Variants in RXRA observed in about 807,000 individuals in gnomAD.
RXRA encodes retinoic acid receptor RXR-alpha.
RXRA carries 5 observed loss-of-function variants against 44.5 expected under a neutral mutation model. That is an observed-to-expected ratio of 0.11 (90% confidence interval 0.06 to 0.24). The LOEUF (loss-of-function observed/expected upper bound fraction) is 0.24, where lower values mean the gene tolerates loss of function less well. Ranked by LOEUF, RXRA falls within the 10% of genes least tolerant of loss-of-function variation. The probability of loss-of-function intolerance (pLI) is 1.00; values close to 1 mark genes in which losing one functional copy is unlikely to be tolerated. For missense variants in RXRA, 412 were observed against 646.5 expected, an observed-to-expected ratio of 0.64 and a Z score of 3.93; for synonymous variants, 291 against 271.4, an observed-to-expected ratio of 1.07 and a Z score of -0.71.
chr9:134,393,404 C>T (rs1439643314), intron 1 of RXRA, among the ~76,000 whole-genome samples: 1 of 152,222 alleles, frequency 6.6e-6, no homozygotes, highest in African/African-American at 2.4e-5. Flanking sequence ...TGCTCTGGGG[C>T]TGTTTCCTCT....
At chr9:134,415,530 G>A (rs62573129) in intron 4 of RXRA, among the ~76,000 whole-genome samples, 1,765 of 152,182 alleles carry the variant, frequency 0.012, 31 homozygotes, top group African/African-American at 0.039. Context: ...AGTACCCCAG[G>A]TGTTCTGCCC....
intron 6 of RXRA, chr9:134,423,543 C>T: frequency 1.0e-6 from 1 of 985,328 alleles, no homozygotes; most frequent in Non-Finnish European, 1.2e-6. Context: ...CGCCACCCTC[C>T]TGGAAGGACT....
intron 1 of RXRA, among the ~76,000 whole-genome samples, chr9:134,387,085 G>A (rs1830731241): frequency 6.6e-6 from 1 of 152,220 alleles, no homozygotes; most frequent in South Asian, 2.1e-4. Flanking sequence ...CTGCGGTGTC[G>A]GGTGGGTGAG....
chr9:134,371,636 G>T (rs1281926143), intron 1 of RXRA, among the ~76,000 whole-genome samples: 3 of 152,248 alleles, frequency 2.0e-5, no homozygotes, highest in Non-Finnish European at 2.9e-5. Flanking sequence ...CCAGCTCTTG[G>T]GCCGGTGCCT....
chr9:134,427,538 G>C (rs1215636208), intron 6 of RXRA, among the ~76,000 whole-genome samples: 1 of 152,236 alleles, frequency 6.6e-6, no homozygotes, highest in African/African-American at 2.4e-5. Context: ...CCTGGGGCCA[G>C]TTGGGTGCCA....
chr9:134,335,178 C>G (rs1829980528), intron 1 of RXRA, among the ~76,000 whole-genome samples: 1 of 152,186 alleles, frequency 6.6e-6, no homozygotes, highest in Admixed American at 6.5e-5. Context: ...CACTGATTTT[C>G]TCATGTCTAA....
At position 134,349,236 on chromosome 9, in the gene RXRA, C is replaced by T. The variant is rs1173948847; in HGVS notation, c.28+22577C>T. Among the ~76,000 whole-genome samples, 4 of 152,282 alleles carry T rather than the reference C, an allele frequency of 2.6e-5. No individual in the cohort carries two copies. Among genetic ancestry groups the T allele is most frequent in the East Asian group, 1.9e-4 (1 of 5,176 alleles). ...CCAACTCCCTGCACCAGCCTGGCCCCGAGCTCCCACTTCCTCATGCTGGGC... is the reference window on the plus strand; with the variant it reads ...CCAACTCCCTGCACCAGCCTGGCCCTGAGCTCCCACTTCCTCATGCTGGGC... On this transcript the variant is annotated intron_variant, in intron 1 of 9. Coordinates refer to ENST00000481739, the MANE Select transcript of RXRA (RefSeq NM_002957.6). This position sits in a 1 kb window ranked among gnomAD's most constrained non-coding sequence, Gnocchi z 4.3.
chr9:134,434,191 C>T lies in RXRA; in HGVS notation c.1225C>T (p.Pro409Ser). The part of the protein sequence containing the change: ...SLEAYCKHKY[P>S]EQPGRFAKLL... ...GGAGGCCTACTGCAAGCACAAGTACCCAGAGCAGCCGGGAAGGTGGGTCCC... is the reference window on the plus strand; with the variant it reads ...GGAGGCCTACTGCAAGCACAAGTACTCAGAGCAGCCGGGAAGGTGGGTCCC... Residue 409 changes from proline to serine, a missense_variant, in exon 9 of 10, where the codon CCA (proline) becomes TCA (serine). Pro to Ser is a moderately conservative substitution (Grantham distance 74). Coordinates refer to ENST00000481739, the MANE Select transcript of RXRA (RefSeq NM_002957.6). 8 of 1,613,416 alleles carry T rather than the reference C, an allele frequency of 5.0e-6. No individual in the cohort carries two copies. Among genetic ancestry groups the T allele is most frequent in the Non-Finnish European group, 6.8e-6 (8 of 1,179,582 alleles).
At position 134,407,545 on chromosome 9, in the gene RXRA, G is replaced by A. The variant is rs1025802266; in HGVS notation, c.280-604G>A. ...CAGCGTGCGGGCCGGCGGGTGGGGCGGAGGGGTGTGCAGAGAGGCCAGTGG... is the reference window on the plus strand; with the variant it reads ...CAGCGTGCGGGCCGGCGGGTGGGGCAGAGGGGTGTGCAGAGAGGCCAGTGG... On this transcript the variant is annotated intron_variant, in intron 2 of 9. Transcript: ENST00000481739. The surrounding 1 kb of genome is among the most constrained non-coding windows in gnomAD (Gnocchi z 4.8). Among the ~76,000 whole-genome samples, 6 of 152,196 alleles carry A rather than the reference G, an allele frequency of 3.9e-5. No homozygotes were observed. Among genetic ancestry groups the A allele is most frequent in the Non-Finnish European group, 8.8e-5 (6 of 68,014 alleles).
chr9:134,402,025 C>T (rs941759541), intron 2 of RXRA, 143 bp downstream of exon 2: 25 of 721,772 alleles, frequency 3.5e-5, no homozygotes, highest in South Asian at 7.9e-5. Context: ...TACAGAGCCT[C>T]GGGGAGCAGA....
At chr9:134,372,102 A>T (rs1377189848) in intron 1 of RXRA, 2 of 152,106 alleles carry the variant, frequency 1.3e-5, no homozygotes, top group African/African-American at 4.8e-5. Flanking sequence ...GGCCCACGGG[A>T]TCCTTGCTAC....
chr9:134,411,640 A>G (rs946642023), intron 4 of RXRA, among the ~76,000 whole-genome samples: 17 of 152,314 alleles, frequency 1.1e-4, no homozygotes, highest in African/African-American at 1.7e-4. Flanking sequence ...GCTGCTGTCA[A>G]GGGACCTCCT....
At chr9:134,425,518 C>G in intron 6 of RXRA, 2 of 976,652 alleles carry the variant, frequency 2.0e-6, no homozygotes, top group Middle Eastern at 5.2e-4. Flanking sequence ...GCCTGGGTTG[C>G]ACAGGCACCT....
chr9:134,434,883 G>A (rs1278669807), intron 9 of RXRA, among the ~76,000 whole-genome samples: 1 of 152,046 alleles, frequency 6.6e-6, no homozygotes, highest in Admixed American at 6.5e-5. Flanking sequence ...CGGGGGAGGT[G>A]GGGCCCAGCA....
At chr9:134,350,224 G>A (rs1830205142) in intron 1 of RXRA, among the ~76,000 whole-genome samples, 1 of 152,156 alleles carries the variant, frequency 6.6e-6, no homozygotes, top group African/African-American at 2.4e-5. Context: ...GAAACCACTG[G>A]GGGAGGGAGG....
intron 1 of RXRA, among the ~76,000 whole-genome samples, chr9:134,383,617 A>T (rs73663470): frequency 6.6e-6 from 1 of 151,998 alleles, no homozygotes; most frequent in African/African-American, 2.4e-5. Flanking sequence ...TCCCCGCCCC[A>T]CTCTGGGAAC....
chr9:134,400,474 C>T (rs1202323194), intron 1 of RXRA, among the ~76,000 whole-genome samples: 5 of 152,204 alleles, frequency 3.3e-5, no homozygotes, highest in African/African-American at 1.2e-4. Flanking sequence ...AAGGCTGAGG[C>T]CCAGAGAGGG....
At chr9:134,362,138 C>A (rs577749105) in intron 1 of RXRA, among the ~76,000 whole-genome samples, 3 of 152,134 alleles carry the variant, frequency 2.0e-5, no homozygotes, top group Admixed American at 2.0e-4. Flanking sequence ...GCCTTCTGTG[C>A]GGGTTGGGAG....
At position 134,365,902 on chromosome 9, in the gene RXRA, CG is replaced by C. The variant is rs1241425419; in HGVS notation, c.29-35726del. 6.6e-6 allele frequency among the ~76,000 whole-genome samples: 1 copy of C among 151,964 alleles called. No individual in the cohort carries two copies. Among genetic ancestry groups the C allele is most frequent in the Non-Finnish European group, 1.5e-5 (1 of 67,986 alleles). On this transcript the variant is annotated intron_variant, in intron 1 of 9. Coordinates refer to ENST00000481739, the MANE Select transcript of RXRA (RefSeq NM_002957.6). The surrounding 1 kb of genome is among the most constrained non-coding windows in gnomAD (Gnocchi z 4.0). ...GGGTTCCTGGGCTGGGATTGGCCGTCGGGGAGGTGCACACAGACGCTCAGCA... is the reference window on the plus strand; with the variant it reads ...GGGTTCCTGGGCTGGGATTGGCCGTCGGGAGGTGCACACAGACGCTCAGCA...
Sources: allele counts gnomAD v4.1 joint callset (sites outside exome capture counted in the v4.1 genomes callset), GRCh38; gene constraint gnomAD v4.1.1; non-coding constraint Gnocchi (gnomAD v3.1); transcripts MANE v1.5; gene names NCBI Gene and HGNC (gene_info 2026-07-23, HGNC 2026-07-21).